The following BCKDHB variants were observed in gnomAD, a reference collection of about 807,000 sequenced individuals.
BCKDHB encodes the protein 2-oxoisovalerate dehydrogenase subunit beta, mitochondrial.
In BCKDHB, 41 loss-of-function variants were observed where a neutral mutation model predicts 48.5. The observed-to-expected ratio is 0.85, with a 90% CI of 0.66 to 1.10. The LOEUF (loss-of-function observed/expected upper bound fraction) is 1.10, where lower values mean the gene tolerates loss of function less well. BCKDHB is among the 50% of genes least tolerant of loss of function. BCKDHB has a pLI of 0.00. For missense variants in BCKDHB, 496 were observed against 494.2 expected (o/e 1.00, Z -0.03); for synonymous variants, 201 against 174.8 (o/e 1.15, Z -1.18).
chr6:80,325,060 G>A (rs806846), intron 9 of BCKDHB, among the ~76,000 whole-genome samples: 144,577 of 152,292 alleles, frequency 0.95, 68,647 homozygotes, highest in East Asian at 0.99. Flanking sequence ...GTATGGGGAC[G>A]GTTTTGAATA....
chr6:80,188,065 G>A (rs6938280), intron 6 of BCKDHB, among the ~76,000 whole-genome samples: 93,848 of 152,014 alleles, frequency 0.62, 29,239 homozygotes, highest in South Asian at 0.76. Context: ...TAGCAAAGAC[G>A]TAAAATCAAC....
chr6:80,387,550 CT>C, the BCKDHB span, among the ~76,000 whole-genome samples: 1 of 152,314 alleles, frequency 6.6e-6, no homozygotes, highest in African/African-American at 2.4e-5. Flanking sequence ...ATAAGCTTAA[CT>C]AAGTGGTGAC....
chr6:80,307,409 A>G (rs1767935335), intron 9 of BCKDHB: 7 of 983,470 alleles, frequency 7.1e-6, no homozygotes, highest in Non-Finnish European at 8.5e-6. Context: ...ACTGTATCCA[A>G]TATTAAATCC....
At chr6:80,162,275 A>C (rs189671198) in intron 3 of BCKDHB, among the ~76,000 whole-genome samples, 1 of 152,300 alleles carries the variant, frequency 6.6e-6, no homozygotes, top group African/African-American at 2.4e-5. Flanking sequence ...GAAAGGATAG[A>C]TGCCACTAAT....
In BCKDHB at chr6:80,343,831, A is replaced by T. The variant is rs776402691; in HGVS notation, c.*27A>T. On this transcript the variant is annotated 3_prime_UTR_variant, in exon 10 of 10. Transcript: ENST00000320393. ...CATATAGGTAGGTATGCATCTTGAG[A>T]AAGCTACTATGTGCCCCTGACATTA... is the stretch of plus-strand genomic sequence containing the variant. 1 of 1,612,882 alleles carries T rather than the reference A, an allele frequency of 6.2e-7. No homozygotes were observed. Among genetic ancestry groups the T allele is most frequent in the Non-Finnish European group, 8.5e-7 (1 of 1,178,960 alleles).
intron 6 of BCKDHB, among the ~76,000 whole-genome samples, chr6:80,178,325 G>A (rs553962175): frequency 6.6e-6 from 1 of 152,232 alleles, no homozygotes; most frequent in Non-Finnish European, 1.5e-5. Flanking sequence ...CATACTTTGA[G>A]TTTCAGTCTC....
At chr6:80,369,247 T>G in the BCKDHB span, among the ~76,000 whole-genome samples, 1 of 152,218 alleles carries the variant, frequency 6.6e-6, no homozygotes, top group African/African-American at 2.4e-5. Context: ...GTTATTTGTA[T>G]TCTTTGTTAC....
intron 8 of BCKDHB, among the ~76,000 whole-genome samples, chr6:80,217,936 G>A (rs1031020095): frequency 6.6e-6 from 1 of 152,162 alleles, no homozygotes; most frequent in African/African-American, 2.4e-5. Flanking sequence ...CAAAGTTGGG[G>A]AGAAAGATGT....
chr6:80,197,068 A>G (rs1393297111), intron 6 of BCKDHB, among the ~76,000 whole-genome samples: 1 of 152,168 alleles, frequency 6.6e-6, no homozygotes, highest in African/African-American at 2.4e-5. Context: ...CACTTCTGTG[A>G]AAATAGGAAT....
chr6:80,394,450 T>C, the BCKDHB span, among the ~76,000 whole-genome samples: 1 of 152,142 alleles, frequency 6.6e-6, no homozygotes, highest in Non-Finnish European at 1.5e-5. Flanking sequence ...GTTTTTTTTT[T>C]GTTTGTTTCA....
At chr6:80,295,525 A>G (rs1562210614) in intron 9 of BCKDHB, among the ~76,000 whole-genome samples, 1 of 151,484 alleles carries the variant, frequency 6.6e-6, no homozygotes, top group Non-Finnish European at 1.5e-5. Context: ...TATGGGAATT[A>G]TGGGAGCTAC....
chr6:80,434,342 A>T, the BCKDHB span, among the ~76,000 whole-genome samples: 3 of 151,480 alleles, frequency 2.0e-5, no homozygotes, highest in Non-Finnish European at 4.4e-5. Flanking sequence ...TTCAGTCTAC[A>T]AAGTAGACTG....
chr6:80,169,711 T>A, intron 5 of BCKDHB: 2 of 1,095,440 alleles, frequency 1.8e-6, no homozygotes, highest in Non-Finnish European at 1.3e-6. Context: ...CCCATAGATG[T>A]GTGAATCCAG....
At chr6:80,387,466 C>A in the BCKDHB span, among the ~76,000 whole-genome samples, 1 of 152,220 alleles carries the variant, frequency 6.6e-6, no homozygotes, top group Non-Finnish European at 1.5e-5. Flanking sequence ...TGATTCCCAC[C>A]ACATCCCTGT....
At chr6:80,433,047 G>A in the BCKDHB span, among the ~76,000 whole-genome samples, 2 of 152,152 alleles carry the variant, frequency 1.3e-5, no homozygotes, top group Non-Finnish European at 2.9e-5. Flanking sequence ...TCGTCTCAGA[G>A]GGGCACCTGC....
At chr6:80,136,179 A>G (rs1166160162) in intron 3 of BCKDHB, among the ~76,000 whole-genome samples, 1 of 152,172 alleles carries the variant, frequency 6.6e-6, no homozygotes, top group Admixed American at 6.6e-5. Flanking sequence ...TCAGAAGAAC[A>G]AAGTTGGAGG....
At chr6:80,459,508 A>G in the BCKDHB span, among the ~76,000 whole-genome samples, 1 of 152,194 alleles carries the variant, frequency 6.6e-6, no homozygotes, top group African/African-American at 2.4e-5. Context: ...ACTAATTATC[A>G]GGCATAAAGC....
At chr6:80,159,169 C>T (rs1484454473) in intron 3 of BCKDHB, among the ~76,000 whole-genome samples, 1 of 152,068 alleles carries the variant, frequency 6.6e-6, no homozygotes, top group Non-Finnish European at 1.5e-5. Flanking sequence ...AATCAGTTAG[C>T]TTAGGAGAAA....
chr6:80,403,757 T>A, the BCKDHB span, among the ~76,000 whole-genome samples: 2 of 152,012 alleles, frequency 1.3e-5, no homozygotes, highest in Non-Finnish European at 2.9e-5. Flanking sequence ...ATTCTTTCTA[T>A]ATCTAATTGG....
Sources: gnomAD v4.1 joint callset for allele counts (sites outside exome capture counted in the v4.1 genomes callset) on GRCh38, gnomAD v4.1.1 for gene constraint, MANE v1.5 for transcripts, NCBI Gene and HGNC (gene_info 2026-07-23, HGNC 2026-07-21) for gene names.